Variants in ASIC2 observed in about 807,000 individuals in gnomAD.
ASIC2 encodes acid sensing ion channel subunit 2, also known as acid-sensing ion channel 2.
Under a neutral mutation model 57.3 loss-of-function variants are expected in ASIC2, and 25 were observed. The ratio of observed to expected loss-of-function variants is 0.44; its 90% confidence interval spans 0.32 to 0.61. The LOEUF (loss-of-function observed/expected upper bound fraction) is 0.61, where lower values mean the gene tolerates loss of function less well. ASIC2 is among the 20% of genes least tolerant of loss of function. The probability of loss-of-function intolerance (pLI) is 0.06; values close to 1 mark genes in which losing one functional copy is unlikely to be tolerated. For missense variants in ASIC2, 641 were observed against 738.1 expected (o/e 0.87, Z 1.52); for synonymous variants, 319 against 307.5 (o/e 1.04, Z -0.39).
intron 2 of ASIC2, among the ~76,000 whole-genome samples, 181 bp from the exon 3 acceptor site, chr17:33,089,171 G>T (rs979758823): frequency 1.1e-4 from 17 of 152,158 alleles, no homozygotes; most frequent in African/African-American, 4.1e-4. Context: ...ATGGCAAAAG[G>T]GACATTGCAG....
chr17:33,223,499 T>C (rs1366957092), intron 1 of ASIC2, among the ~76,000 whole-genome samples: 1 of 152,206 alleles, frequency 6.6e-6, no homozygotes, highest in Non-Finnish European at 1.5e-5. Flanking sequence ...TTCTAATGTA[T>C]GTCCCTTAAG....
chr17:33,387,769 T>C (rs768894572), intron 1 of ASIC2, among the ~76,000 whole-genome samples: 1 of 152,226 alleles, frequency 6.6e-6, no homozygotes, highest in Non-Finnish European at 1.5e-5. Context: ...TACTTTATTG[T>C]ATACTTGAAA....
At chr17:33,362,860 T>G (rs1908664822) in intron 1 of ASIC2, among the ~76,000 whole-genome samples, 1 of 152,236 alleles carries the variant, frequency 6.6e-6, no homozygotes, top group South Asian at 2.1e-4. Flanking sequence ...GAGGCAGACA[T>G]GGAGAAAATG....
chr17:33,433,081 T>C (rs1348908677), intron 1 of ASIC2, among the ~76,000 whole-genome samples: 2 of 152,232 alleles, frequency 1.3e-5, no homozygotes, highest in Admixed American at 1.3e-4. Flanking sequence ...GAAATCGTTC[T>C]ATCATAAAGA....
At chr17:33,658,732 A>G (rs112694875) in intron 1 of ASIC2, among the ~76,000 whole-genome samples, 2 of 152,210 alleles carry the variant, frequency 1.3e-5, no homozygotes, top group African/African-American at 4.8e-5. Context: ...GCTGCGGCTC[A>G]CACCTGTAAT....
At chr17:33,023,503 AG>A (rs1306059713) in intron 6 of ASIC2, among the ~76,000 whole-genome samples, 1 of 149,982 alleles carries the variant, frequency 6.7e-6, no homozygotes, top group Non-Finnish European at 1.5e-5. Flanking sequence ...AAAAAAAAAA[AG>A]AAAAAAAAAT....
At chr17:33,195,545 T>C (rs544011398) in intron 1 of ASIC2, among the ~76,000 whole-genome samples, 57 of 152,230 alleles carry the variant, frequency 3.7e-4, no homozygotes, top group Non-Finnish European at 6.8e-4. Context: ...TGATCATGTA[T>C]AGTAAATGGT....
In ASIC2 at chr17:33,448,049, TAATAAAATAAAATAAAATAA is replaced by T. The variant is rs67408111; in HGVS notation, c.556-336002_556-335983del. ...CTGAAAGCATGTACATCTTTATGCA[TAATAAAATAAAATAAAATAA>T]AATAAAATAAAATAAAATAAAATAA... On this transcript the variant is annotated intron_variant, in intron 1 of 9. Coordinates refer to the ASIC2 transcript ENST00000359872. Among the ~76,000 whole-genome samples, 346 of 140,024 alleles carry T rather than the reference TAATAAAATAAAATAAAATAA, an allele frequency of 2.5e-3. 1 individual carries two copies. Among genetic ancestry groups the T allele is most frequent in the African/African-American group, 6.7e-3 (254 of 37,814 alleles). The allele number at this position is 140,024 out of a possible 152,430, so 91.9% of individuals were successfully genotyped here. A position where few individuals can be genotyped will look rare whatever the true frequency, so the allele number is the denominator to read the frequency against.
At chr17:33,121,378 C>A (rs1453436583) in intron 1 of ASIC2, among the ~76,000 whole-genome samples, 1 of 152,172 alleles carries the variant, frequency 6.6e-6, no homozygotes, top group Non-Finnish European at 1.5e-5. Context: ...TGGGTGGTGC[C>A]AGGCACTGTG....
intron 1 of ASIC2, among the ~76,000 whole-genome samples, chr17:33,919,920 C>A (rs1023962584): frequency 6.6e-6 from 1 of 152,110 alleles, no homozygotes; most frequent in African/African-American, 2.4e-5. Context: ...CATGAAAAAA[C>A]GCTCCACATC....
At chr17:33,147,885 G>C (rs1358549578) in intron 1 of ASIC2, among the ~76,000 whole-genome samples, 1 of 152,138 alleles carries the variant, frequency 6.6e-6, no homozygotes. Flanking sequence ...TGTGGGCGCT[G>C]GTTTTCATCA....
At chr17:33,790,248 G>A (rs888173532) in intron 1 of ASIC2, among the ~76,000 whole-genome samples, 2 of 152,136 alleles carry the variant, frequency 1.3e-5, no homozygotes, top group East Asian at 1.9e-4. Flanking sequence ...GGTTACATCT[G>A]TGCTTGATGC....
At chr17:33,403,469 G>A (rs2141960110) in intron 1 of ASIC2, among the ~76,000 whole-genome samples, 1 of 152,308 alleles carries the variant, frequency 6.6e-6, no homozygotes, top group Non-Finnish European at 1.5e-5. Context: ...GCCACATGCT[G>A]CTTTAGTTAA....
intron 1 of ASIC2, among the ~76,000 whole-genome samples, chr17:33,346,275 A>ATGTATGTTCCTATG: frequency 6.6e-6 from 1 of 151,776 alleles, no homozygotes; most frequent in Admixed American, 6.6e-5. Flanking sequence ...GAAAAGGAAC[A>ATGTATGTTCCTATG]TAAAGACACC....
At chr17:33,452,647 C>T (rs1379404775) in intron 1 of ASIC2, among the ~76,000 whole-genome samples, 5 of 151,956 alleles carry the variant, frequency 3.3e-5, no homozygotes, top group East Asian at 1.9e-4. Flanking sequence ...ATGCCATGCA[C>T]GACCTCTATT....
intron 1 of ASIC2, among the ~76,000 whole-genome samples, chr17:33,704,093 C>T (rs193280915): frequency 2.0e-5 from 3 of 152,288 alleles, no homozygotes; most frequent in African/African-American, 7.2e-5. Flanking sequence ...GATAGGTAGT[C>T]AAGAAAGTGA....
intron 1 of ASIC2, among the ~76,000 whole-genome samples, chr17:33,727,486 G>A (rs1386894958): frequency 3.3e-5 from 5 of 152,170 alleles, no homozygotes; most frequent in Admixed American, 3.3e-4. Context: ...TGTTGGAGGT[G>A]GGGCCTGGTG....
At chr17:33,959,701 C>G (rs186905463) in intron 1 of ASIC2, among the ~76,000 whole-genome samples, 235 of 152,358 alleles carry the variant, frequency 1.5e-3, no homozygotes, top group African/African-American at 5.1e-3. Flanking sequence ...CTGCCTTATT[C>G]TAGCCATGCT....
intron 1 of ASIC2, among the ~76,000 whole-genome samples, chr17:33,815,015 G>C (rs1912535690): frequency 6.6e-6 from 1 of 152,144 alleles, no homozygotes; most frequent in Non-Finnish European, 1.5e-5. Flanking sequence ...ACTGTGTGTG[G>C]GTATGGGGAC....
Sources: gnomAD v4.1 joint callset for allele counts (sites outside exome capture counted in the v4.1 genomes callset) on GRCh38, gnomAD v4.1.1 for gene constraint, MANE v1.5 for transcripts, NCBI Gene and HGNC (gene_info 2026-07-23, HGNC 2026-07-21) for gene names.